SGCZ: variants seen among roughly 807,000 people sequenced by gnomAD.
The protein encoded by SGCZ is sarcoglycan zeta, also known as zeta-sarcoglycan.
A neutral mutation model predicts 41.3 loss-of-function variants in SGCZ; 40 were observed. The ratio of observed to expected loss-of-function variants is 0.97; its 90% CI spans 0.75 to 1.26. SGCZ has a LOEUF of 1.26. SGCZ is among the 50% of genes most tolerant of loss of function. The pLI is 0.00. For synonymous variants in SGCZ, 206 were observed against 137.5 expected, an observed-to-expected ratio of 1.50 and a Z score of -3.49; for missense variants, 552 against 369.8, an observed-to-expected ratio of 1.49 and a Z score of -4.04.
intron 3 of SGCZ, among the ~76,000 whole-genome samples, chr8:14,242,158 A>T (rs1253538629): frequency 6.6e-6 from 1 of 152,214 alleles, no homozygotes; most frequent in African/African-American, 2.4e-5. Flanking sequence ...TCCTTAAAAA[A>T]GCATTAGTAA....
intron 1 of SGCZ, among the ~76,000 whole-genome samples, chr8:14,814,048 C>T (rs555995546): frequency 6.6e-6 from 1 of 152,224 alleles, no homozygotes; most frequent in East Asian, 1.9e-4. Context: ...GCACAGTATG[C>T]AGCACTTAAT....
At chr8:14,683,555 TATTAATC>T (rs1808513838) in intron 1 of SGCZ, among the ~76,000 whole-genome samples, 1 of 152,176 alleles carries the variant, frequency 6.6e-6, no homozygotes, top group Non-Finnish European at 1.5e-5. Context: ...AAGTAAATTA[TATTAATC>T]ATTAGAAAAC....
intron 1 of SGCZ, among the ~76,000 whole-genome samples, chr8:14,751,855 C>G (rs1799507748): frequency 6.6e-6 from 1 of 151,788 alleles, no homozygotes; most frequent in Non-Finnish European, 1.5e-5. Context: ...GGCCATGAAC[C>G]CGGGAGGCAG....
At chr8:14,971,236 C>T (rs906078701) in intron 1 of SGCZ, among the ~76,000 whole-genome samples, 65 of 152,146 alleles carry the variant, frequency 4.3e-4, no homozygotes, top group African/African-American at 1.5e-3. Context: ...CTTGTAGAGG[C>T]TTTATTAAAT....
At chr8:14,639,890 C>T (rs1806966455) in intron 1 of SGCZ, among the ~76,000 whole-genome samples, 1 of 151,512 alleles carries the variant, frequency 6.6e-6, no homozygotes, top group African/African-American at 2.4e-5. Context: ...ATCTCCCTAC[C>T]TCCTGCAAGA....
intron 2 of SGCZ, among the ~76,000 whole-genome samples, chr8:14,531,108 CCT>C (rs2117125203): frequency 6.6e-6 from 1 of 151,982 alleles, no homozygotes; most frequent in African/African-American, 2.4e-5. Flanking sequence ...ATACTCAGCC[CCT>C]GATTAGTACC....
At chr8:14,163,021 C>T (rs1202034237) in intron 5 of SGCZ, among the ~76,000 whole-genome samples, 1 of 152,140 alleles carries the variant, frequency 6.6e-6, no homozygotes, top group Non-Finnish European at 1.5e-5. Context: ...TGGACACACA[C>T]CTTCATGCCT....
intron 1 of SGCZ, among the ~76,000 whole-genome samples, chr8:14,826,962 G>T (rs369456027): frequency 1.1e-4 from 16 of 151,952 alleles, no homozygotes; most frequent in South Asian, 8.3e-4. Context: ...GTCAATTTTG[G>T]CTTTTGTTGC....
chr8:14,441,897 T>A (rs1024363371), intron 2 of SGCZ, among the ~76,000 whole-genome samples: 6 of 152,172 alleles, frequency 3.9e-5, no homozygotes, highest in Non-Finnish European at 8.8e-5. Flanking sequence ...GGGAGAAAAA[T>A]GTTTTTCCAG....
chr8:14,319,176 G>A (rs1207546151), intron 3 of SGCZ, among the ~76,000 whole-genome samples: 1 of 151,940 alleles, frequency 6.6e-6, no homozygotes, highest in Non-Finnish European at 1.5e-5. Flanking sequence ...AAGCTATTAA[G>A]TGGCAAAATA....
At chr8:14,503,299 G>A (rs1431440686) in intron 2 of SGCZ, among the ~76,000 whole-genome samples, 1 of 152,058 alleles carries the variant, frequency 6.6e-6, no homozygotes, top group East Asian at 1.9e-4. Flanking sequence ...CCTGTCAGGG[G>A]ATGGGGGGCA....
intron 3 of SGCZ, among the ~76,000 whole-genome samples, chr8:14,243,470 T>C (rs745373262): frequency 6.6e-6 from 1 of 152,186 alleles, no homozygotes; most frequent in Non-Finnish European, 1.5e-5. Context: ...TTTTAAAACA[T>C]ATTGGCATAC....
chr8:14,916,334 C>T (rs1295781922), intron 1 of SGCZ, among the ~76,000 whole-genome samples: 30 of 152,138 alleles, frequency 2.0e-4, no homozygotes, highest in Non-Finnish European at 1.9e-4. Flanking sequence ...ACATTTCTTA[C>T]TCAGGAAAGC....
At chr8:14,635,927 T>C (rs996957644) in intron 1 of SGCZ, among the ~76,000 whole-genome samples, 2 of 151,960 alleles carry the variant, frequency 1.3e-5, no homozygotes, top group Non-Finnish European at 2.9e-5. Flanking sequence ...GCTGCCGATA[T>C]GCTGTGAGTT....
At chr8:15,067,952 G>T (rs1241689201) in intron 1 of SGCZ, among the ~76,000 whole-genome samples, 1 of 152,170 alleles carries the variant, frequency 6.6e-6, no homozygotes. Context: ...AGATGATTTA[G>T]AAAAGCCATG....
At chr8:14,645,128 A>C (rs1431427148) in intron 1 of SGCZ, among the ~76,000 whole-genome samples, 1 of 151,658 alleles carries the variant, frequency 6.6e-6, no homozygotes, top group African/African-American at 2.4e-5. Flanking sequence ...TCTATCATTT[A>C]GTTCCTAAAA....
chr8:14,924,252 A>T (rs1156967999), intron 1 of SGCZ, among the ~76,000 whole-genome samples: 1 of 152,220 alleles, frequency 6.6e-6, no homozygotes, highest in Non-Finnish European at 1.5e-5. Context: ...TTAGTAAGCT[A>T]GTTACATCTT....
intron 1 of SGCZ, among the ~76,000 whole-genome samples, chr8:14,694,381 T>C (rs1270085400): frequency 6.6e-6 from 1 of 152,238 alleles, no homozygotes; most frequent in East Asian, 1.9e-4. Flanking sequence ...TTCAGATTCT[T>C]GTTGCCATCA....
chr8:14,808,994 A>G (rs997493565), intron 1 of SGCZ, among the ~76,000 whole-genome samples: 1 of 149,092 alleles, frequency 6.7e-6, no homozygotes, highest in Admixed American at 6.7e-5. Flanking sequence ...AAAACCAAAC[A>G]CCGCATATTC....
Sources: allele counts gnomAD v4.1 joint callset (sites outside exome capture counted in the v4.1 genomes callset), GRCh38; gene constraint gnomAD v4.1.1; transcripts MANE v1.5; gene names NCBI Gene and HGNC (gene_info 2026-07-23, HGNC 2026-07-21).